ACSM4: variants seen among roughly 807,000 people sequenced by gnomAD.
ACSM4 encodes acyl-coenzyme A synthetase ACSM4, mitochondrial.
Under a neutral mutation model 73.0 loss-of-function variants are expected in ACSM4, and 66 were observed. That is an observed-to-expected ratio of 0.90 (90% CI 0.74 to 1.11). The LOEUF (loss-of-function observed/expected upper bound fraction) is 1.11. Ranked by LOEUF, ACSM4 falls within the 50% of genes least tolerant of loss-of-function variation. The pLI, the probability that ACSM4 is intolerant of heterozygous loss-of-function variation, is 0.00. For missense variants in ACSM4, 645 were observed against 714.4 expected (o/e 0.90, Z 1.11); for synonymous variants, 222 against 254.0 (o/e 0.87, Z 1.20).
intron 4 of ACSM4, 37 bp downstream of exon 4, chr12:7,317,317 C>T (rs1228712504): frequency 1.3e-6 from 2 of 1,528,128 alleles, no homozygotes; most frequent in South Asian, 1.3e-5. Context: ...TGGTGAACTC[C>T]CCCAAAGCTG....
At position 7,328,322 on chromosome 12, in the gene ACSM4, T is replaced by A. The variant is rs189484666; in HGVS notation, c.1692T>A (p.Thr564=). ...EFVQELPKTI[T]GKIKRNVLRD... is the part of the protein sequence containing the mutation. Reference sequence around the variant, plus strand: ...TTCAAGAACTCCCAAAGACAATCACTGGGAAAATCAAACGCAACGTTTTAA... The same window carrying A: ...TTCAAGAACTCCCAAAGACAATCACAGGGAAAATCAAACGCAACGTTTTAA... The change falls in exon 13 of 13, where the codon ACT becomes ACA. Residue 564 remains threonine, a synonymous_variant. Coordinates refer to ENST00000399422, the MANE Select transcript of ACSM4 (RefSeq NM_001080454.2). 9.1e-3 allele frequency: 14,559 copies of A among 1,594,902 alleles called. 84 individuals are homozygous for A. The highest frequency in any genetic ancestry group is 0.01 in the Non-Finnish European group (12,265 of 1,170,072).
At position 7,324,277 on chromosome 12, in the gene ACSM4, A is replaced by G; in HGVS notation, c.1313A>G (p.Asn438Ser). 6.2e-7 allele frequency: 1 copy of G among 1,612,324 alleles called. No individual in the cohort carries two copies. The highest frequency in any genetic ancestry group is 8.5e-7 in the Non-Finnish European group (1 of 1,179,506). The change falls in exon 10 of 13, where the codon AAT becomes AGT. Residue 438 changes from asparagine to serine, a missense_variant. Physicochemically the swap from Asn to Ser is conservative, Grantham distance 46. Coordinates refer to ENST00000399422, the MANE Select transcript of ACSM4 (RefSeq NM_001080454.2). ...PFCFFSKYVDNPQKTAATIRG... is the reference protein window; with the variant it reads ...PFCFFSKYVDSPQKTAATIRG... ...AATGTCATCCTTGGTTCCCAGGACA[A>G]TCCACAGAAAACTGCTGCCACGATA...
At position 7,306,505 on chromosome 12, in the gene ACSM4, C is replaced by T. The variant is rs768708408; in HGVS notation, c.202-28C>T. 1.4e-5 allele frequency: 21 copies of T among 1,552,732 alleles called. No individual in the cohort carries two copies. The African/African-American group carries it at 2.9e-4, about 21-fold the overall frequency. ...GAGTAATCAGTCATGTAAACCTACC[C>T]CTCTCTTTTCCATGTGTCCCTGGTC... On this transcript the variant is annotated intron_variant, in intron 1 of 12. Coordinates refer to ENST00000399422, the MANE Select transcript of ACSM4 (RefSeq NM_001080454.2).
chr12:7,321,930 A>G (rs1946466370), intron 6 of ACSM4, among the ~76,000 whole-genome samples: 1 of 152,206 alleles, frequency 6.6e-6, no homozygotes, highest in African/African-American at 2.4e-5. Context: ...TGCCTGGTAC[A>G]GAGTTTCATG....
intron 9 of ACSM4, among the ~76,000 whole-genome samples, chr12:7,323,798 G>C (rs1015119791): frequency 6.6e-6 from 1 of 152,126 alleles, no homozygotes; most frequent in Admixed American, 6.5e-5. Flanking sequence ...GGGTGCAGTT[G>C]GGGGGTGCTA....
intron 3 of ACSM4, among the ~76,000 whole-genome samples, chr12:7,316,077 C>A (rs1423598043): frequency 6.6e-6 from 1 of 152,148 alleles, no homozygotes; most frequent in African/African-American, 2.4e-5. Flanking sequence ...AGAGAGAGGA[C>A]ATAAGTCTGC....
rs1348746421 is a variant in ACSM4 at position 7,328,304 on chromosome 12, A to G, written c.1674A>G (p.Glu558=). ...KYPRKVEFVQ[E]LPKTITGKIK... Reference sequence around the variant, plus strand: ...TCAATTAGGTGGAATTTGTTCAAGAACTCCCAAAGACAATCACTGGGAAAA... The same window carrying G: ...TCAATTAGGTGGAATTTGTTCAAGAGCTCCCAAAGACAATCACTGGGAAAA... The change falls in exon 13 of 13, where the codon GAA becomes GAG. Residue 558 remains glutamate, a synonymous_variant. Coordinates refer to ENST00000399422, the MANE Select transcript of ACSM4 (RefSeq NM_001080454.2). 3 of 1,588,818 alleles carry G rather than the reference A, an allele frequency of 1.9e-6. No homozygotes were observed. Among genetic ancestry groups the G allele is most frequent in the South Asian group, 2.3e-5 (2 of 86,568 alleles).
chr12:7,318,309 CA>C (rs1946436376), intron 5 of ACSM4, 127 bp downstream of exon 5: 14 of 1,266,760 alleles, frequency 1.1e-5, no homozygotes, highest in Middle Eastern at 2.8e-4. Context: ...TTATACAAAG[CA>C]AAGTCTCAAG....
chr12:7,327,020 C>A lies in ACSM4; in HGVS notation c.1581C>A (p.Tyr527Ter). ...FVVLAAPFKS[Y>*]NPEKLTLELQ... ...TCTTAGCTGCACCCTTTAAGTCCTA[C>A]AACCCAGAGAAATTAACTCTTGAAC... The change falls in exon 12 of 13, where the codon TAC (tyrosine) becomes TAA (stop). Residue 527 changes from tyrosine to a stop codon, truncating the protein, a stop_gained. Coordinates refer to ENST00000399422, the MANE Select transcript of ACSM4 (RefSeq NM_001080454.2). LOFTEE classifies it high-confidence loss of function. The A allele has an allele frequency of 6.2e-7, 1 of 1,612,764 alleles. No homozygotes were observed. Among genetic ancestry groups the A allele is most frequent in the Non-Finnish European group, 8.5e-7 (1 of 1,179,442 alleles).
rs778334378 is a variant in ACSM4 at position 7,304,292 on chromosome 12, C to T, written c.-40C>T. 2.6e-4 allele frequency: 405 copies of T among 1,586,344 alleles called. 1 individual carries two copies. Among genetic ancestry groups the T allele is most frequent in the Non-Finnish European group, 3.3e-4 (385 of 1,155,466 alleles). On this transcript the variant is annotated 5_prime_UTR_variant, in exon 1 of 13. Coordinates refer to ENST00000399422, the MANE Select transcript of ACSM4 (RefSeq NM_001080454.2). ...CCATCTCTCCCTACAGGCTGTAGTA[C>T]TTCTGTGTCCATAGCAGTAGACAAA...
rs1356776279 is a variant in ACSM4, at chr12:7,306,526, T to C, written c.202-7T>C. 1.3e-6 allele frequency: 2 copies of C among 1,581,600 alleles called. No homozygotes were observed. The highest frequency in any genetic ancestry group is 1.2e-5 in the South Asian group (1 of 86,262). On this transcript the variant is annotated splice_polypyrimidine_tract_variant and splice_region_variant and intron_variant, in intron 1 of 12. Coordinates refer to ENST00000399422, the MANE Select transcript of ACSM4 (RefSeq NM_001080454.2). ...TACCCCTCTCTTTTCCATGTGTCCC[T>C]GGTCAGACAGGGGAGAGACCAGCTA...
At position 7,309,011 on chromosome 12, in the gene ACSM4, A is replaced by AT. The variant is rs1432616346; in HGVS notation, c.413-1527dup. Among the ~76,000 whole-genome samples the AT allele has an allele frequency of 8.5e-5, 13 of 152,350 alleles. No individual in the cohort carries two copies. In the East Asian group the frequency reaches 2.1e-3, roughly 25 times the overall value. ...TTTTAAGTGAGATACCAGGCACGTA[A>AT]TAAGTGCTCAATAAACAGTAGTGAT... On this transcript the variant is annotated intron_variant, in intron 2 of 12. Coordinates refer to ENST00000399422, the MANE Select transcript of ACSM4 (RefSeq NM_001080454.2).
At chr12:7,307,447 A>G (rs991749652) in intron 2 of ACSM4, among the ~76,000 whole-genome samples, 2 of 152,186 alleles carry the variant, frequency 1.3e-5, no homozygotes, top group African/African-American at 4.8e-5. Flanking sequence ...AACTTCTCTG[A>G]ATATATTTGG....
chr12:7,319,640 C>T (rs1591844662), intron 5 of ACSM4, among the ~76,000 whole-genome samples: 1 of 151,886 alleles, frequency 6.6e-6, no homozygotes, highest in South Asian at 2.1e-4. Flanking sequence ...CTCACCTTGC[C>T]CCGCCACTCA....
intron 3 of ACSM4, among the ~76,000 whole-genome samples, chr12:7,314,029 T>C (rs1298456626): frequency 6.6e-6 from 1 of 152,186 alleles, no homozygotes; most frequent in Non-Finnish European, 1.5e-5. Context: ...GAGAGGCCAT[T>C]TTTGAGCCTC....
rs2136336418 is a variant in ACSM4 at position 7,322,553 on chromosome 12, G to C, written c.1125+12G>C. On this transcript the variant is annotated intron_variant, in intron 7 of 12. Transcript: ENST00000399422. ...GACAGACGGAAGTGGTATATCTAAAGGGCATTTATGTTTAGTATATGTGGG... is the reference window on the plus strand; with the variant it reads ...GACAGACGGAAGTGGTATATCTAAACGGCATTTATGTTTAGTATATGTGGG... 6.2e-7 allele frequency: 1 copy of C among 1,609,222 alleles called. No individual in the cohort carries two copies. The highest frequency in any genetic ancestry group is 8.5e-7 in the Non-Finnish European group (1 of 1,177,466).
intron 3 of ACSM4, among the ~76,000 whole-genome samples, chr12:7,313,454 T>C (rs1946402041): frequency 6.6e-6 from 1 of 152,152 alleles, no homozygotes; most frequent in Non-Finnish European, 1.5e-5. Context: ...ACAGCAATAA[T>C]GTGGGCTAAT....
chr12:7,320,688 A>G (rs772836659), intron 5 of ACSM4, 37 bp from the exon 6 acceptor site: 1 of 1,561,904 alleles, frequency 6.4e-7, no homozygotes. Flanking sequence ...CCTTTGAATG[A>G]CCACTTCTGA....
chr12:7,310,458 T>A, intron 2 of ACSM4, 81 bp from the exon 3 acceptor site: 3 of 1,350,048 alleles, frequency 2.2e-6, no homozygotes, highest in Non-Finnish European at 3.1e-6. Flanking sequence ...TTGTGATGCT[T>A]CTCCTCACCG....
Sources: gnomAD v4.1 joint callset for allele counts (sites outside exome capture counted in the v4.1 genomes callset) on GRCh38, gnomAD v4.1.1 for gene constraint, MANE v1.5 for transcripts, NCBI Gene and HGNC (gene_info 2026-07-23, HGNC 2026-07-21) for gene names.